The following LARGE1 variants were observed in gnomAD, a reference collection of about 807,000 sequenced individuals.
LARGE1 encodes the protein xylosyl- and glucuronyltransferase LARGE1.
In LARGE1, 43 loss-of-function variants were observed where a neutral mutation model predicts 87.6. That is an observed-to-expected ratio of 0.49 (90% CI 0.38 to 0.63). LARGE1 has a LOEUF of 0.63. Among genes scored for constraint, LARGE1 ranks in the 30% least tolerant of loss-of-function variants. LARGE1 has a pLI of 0.00. For synonymous variants in LARGE1, 434 were observed against 394.6 expected, an observed-to-expected ratio of 1.10 and a Z score of -1.18; for missense variants, 802 against 1,000.2, an observed-to-expected ratio of 0.80 and a Z score of 2.67.
intron 6 of LARGE1, among the ~76,000 whole-genome samples, chr22:33,513,812 T>TACACACACACACATACACACAC (rs111795849): frequency 2.9e-4 from 42 of 143,284 alleles, no homozygotes; most frequent in African/African-American, 1.0e-3. Context: ...AGAGCTGATG[T>TACACACACACACATACACACAC]ACACACACAC....
intron 8 of LARGE1, among the ~76,000 whole-genome samples, chr22:33,383,502 G>A (rs1305262085): frequency 6.6e-6 from 1 of 152,104 alleles, no homozygotes; most frequent in Non-Finnish European, 1.5e-5. Flanking sequence ...GGAGGTTGCC[G>A]TGAGCCGAGA....
At chr22:33,551,578 T>C (rs2077522346) in intron 6 of LARGE1, among the ~76,000 whole-genome samples, 1 of 152,212 alleles carries the variant, frequency 6.6e-6, no homozygotes, top group African/African-American at 2.4e-5. Context: ...TGGCTTCTTT[T>C]CTTAGCACAT....
At chr22:33,550,316 G>GT (rs1316492067) in intron 6 of LARGE1, among the ~76,000 whole-genome samples, 3 of 152,096 alleles carry the variant, frequency 2.0e-5, no homozygotes, top group South Asian at 4.1e-4. Flanking sequence ...ATTTCCATCA[G>GT]TAACAGTGGG....
At chr22:33,671,156 T>C (rs543832547) in intron 2 of LARGE1, among the ~76,000 whole-genome samples, 25 of 152,320 alleles carry the variant, frequency 1.6e-4, no homozygotes, top group African/African-American at 5.1e-4. Flanking sequence ...AACTTGGAAC[T>C]TTATCCTGAG....
intron 2 of LARGE1, among the ~76,000 whole-genome samples, chr22:33,670,672 C>T (rs576725279): frequency 6.6e-6 from 1 of 152,302 alleles, no homozygotes; most frequent in East Asian, 1.9e-4. Context: ...TATTTAAACA[C>T]AGCTGAATTT....
chr22:33,810,244 T>C (rs1460203892), intron 1 of LARGE1, among the ~76,000 whole-genome samples: 2 of 152,252 alleles, frequency 1.3e-5, no homozygotes, highest in Non-Finnish European at 2.9e-5. Flanking sequence ...GAGTTTACAC[T>C]GACCAAGATC....
At chr22:33,269,279 T>C (rs1928120792), downstream of LARGE1, among the ~76,000 whole-genome samples, 1 of 152,232 alleles carries the variant, frequency 6.6e-6, no homozygotes, top group African/African-American at 2.4e-5. Flanking sequence ...ACTTACAGTT[T>C]CAAAAATAAA....
At chr22:33,318,300 T>A (rs969123686) in intron 10 of LARGE1, among the ~76,000 whole-genome samples, 1 of 152,090 alleles carries the variant, frequency 6.6e-6, no homozygotes, top group Non-Finnish European at 1.5e-5. Flanking sequence ...AAACAAACTT[T>A]TAAAAAATGA....
intron 6 of LARGE1, among the ~76,000 whole-genome samples, chr22:33,551,735 C>T (rs1305978204): frequency 1.3e-5 from 2 of 152,126 alleles, no homozygotes; most frequent in African/African-American, 2.4e-5. Flanking sequence ...AGCCCTGTCC[C>T]CTCTACGCAT....
intron 1 of LARGE1, among the ~76,000 whole-genome samples, chr22:33,886,732 G>GTTT (rs1306736255): frequency 1.3e-5 from 2 of 149,432 alleles, no homozygotes; most frequent in Non-Finnish European, 3.0e-5. Context: ...GAAGAAAAGA[G>GTTT]AAGAGAAAAA....
chr22:33,251,758 A>G (rs774451177), intron 11 of LARGE1, among the ~76,000 whole-genome samples: 3 of 152,232 alleles, frequency 2.0e-5, no homozygotes, highest in Non-Finnish European at 4.4e-5. Context: ...TTGGTGATGG[A>G]AATTTGCACA....
intron 3 of LARGE1, among the ~76,000 whole-genome samples, chr22:33,641,939 C>A (rs749103997): frequency 6.6e-6 from 1 of 152,146 alleles, no homozygotes; most frequent in African/African-American, 2.4e-5. Flanking sequence ...GAGAATGGAA[C>A]CAAGTTGGAA....
intron 1 of LARGE1, among the ~76,000 whole-genome samples, chr22:33,904,274 G>A (rs919696342): frequency 1.3e-5 from 2 of 152,162 alleles, no homozygotes; most frequent in Non-Finnish European, 2.9e-5. Context: ...TCCTGCCTCA[G>A]CCTCCTGAGT....
chr22:33,567,566 T>C (rs2078065657), intron 5 of LARGE1, among the ~76,000 whole-genome samples: 1 of 152,172 alleles, frequency 6.6e-6, no homozygotes, highest in Non-Finnish European at 1.5e-5. Flanking sequence ...TTGCTCAGCT[T>C]TTCTGAGTTT....
intron 6 of LARGE1, among the ~76,000 whole-genome samples, chr22:33,518,302 G>A (rs934113858): frequency 4.6e-5 from 7 of 152,188 alleles, no homozygotes; most frequent in African/African-American, 1.7e-4. Flanking sequence ...AAGGTCACAC[G>A]CCAGCAAATG....
At chr22:33,590,439 A>G (rs1048857850) in intron 5 of LARGE1, among the ~76,000 whole-genome samples, 5 of 152,168 alleles carry the variant, frequency 3.3e-5, no homozygotes. Context: ...CATCATCACA[A>G]TTCACCTCTT....
chr22:33,922,053 C>T (rs976353591), upstream of LARGE1, among the ~76,000 whole-genome samples: 2 of 152,086 alleles, frequency 1.3e-5, no homozygotes, highest in Non-Finnish European at 2.9e-5. Flanking sequence ...TCTGGGGTCC[C>T]CTTCCCCCCG....
At chr22:33,076,010 G>A in the LARGE1 span, among the ~76,000 whole-genome samples, 3 of 152,116 alleles carry the variant, frequency 2.0e-5, no homozygotes, top group Admixed American at 6.6e-5. Context: ...AACATCGATA[G>A]GCTGGAAAGA....
At chr22:33,718,079 G>A (rs985826528) in intron 2 of LARGE1, among the ~76,000 whole-genome samples, 1 of 152,198 alleles carries the variant, frequency 6.6e-6, no homozygotes, top group Non-Finnish European at 1.5e-5. Context: ...ACCTTTCCAT[G>A]TGGTTGCAGA....
Sources: allele counts gnomAD v4.1 joint callset (sites outside exome capture counted in the v4.1 genomes callset), GRCh38; gene constraint gnomAD v4.1.1; transcripts MANE v1.5; gene names NCBI Gene and HGNC (gene_info 2026-07-23, HGNC 2026-07-21).